The following AP3B2 variants were observed in gnomAD, a reference collection of about 807,000 sequenced individuals.
The protein encoded by AP3B2 is AP-3 complex subunit beta-2.
AP3B2 carries 50 observed loss-of-function variants against 126.9 expected under a neutral mutation model. That is an observed-to-expected ratio of 0.39 (90% CI 0.31 to 0.50). The LOEUF is 0.50. AP3B2 is among the 20% of genes least tolerant of loss of function. AP3B2 has a pLI of 0.79. For missense variants in AP3B2, 1,177 were observed against 1,426.4 expected (o/e 0.83, Z 2.82); for synonymous variants, 541 against 565.0 (o/e 0.96, Z 0.60).
intron 1 of AP3B2, among the ~76,000 whole-genome samples, chr15:82,693,048 T>C (rs1049154000): frequency 6.6e-6 from 1 of 151,952 alleles, no homozygotes; most frequent in Non-Finnish European, 1.5e-5. Flanking sequence ...CTCACCCTAT[T>C]GGACTTCAAA....
chr15:82,669,120 C>G (rs1294098183), intron 14 of AP3B2, among the ~76,000 whole-genome samples: 1 of 152,122 alleles, frequency 6.6e-6, no homozygotes, highest in African/African-American at 2.4e-5. Context: ...ATGGGCAAAA[C>G]CTGAGACTTG....
rs1455878016 is a variant in AP3B2 at position 82,680,790 on chromosome 15, C to T, written c.772-35G>A. On this transcript the variant is annotated intron_variant, in intron 7 of 26. Transcript: ENST00000535359. This position sits in a 1 kb window ranked among gnomAD's most constrained non-coding sequence, Gnocchi z 6.1. ...GAGACCGACGGGTCTGTGGGCGCCT[C>T]CCCGGGACACACTTCGGCCCGCTCT... 5.6e-6 allele frequency: 9 copies of T among 1,607,382 alleles called. No individual in the cohort carries two copies. The highest frequency in any genetic ancestry group is 7.6e-6 in the Non-Finnish European group (9 of 1,176,922).
intron 1 of AP3B2, among the ~76,000 whole-genome samples, chr15:82,703,663 GT>G: frequency 6.6e-6 from 1 of 152,188 alleles, no homozygotes; most frequent in Non-Finnish European, 1.5e-5. Context: ...GATAATTCTT[GT>G]TGTAAAATGG....
chr15:82,663,491 C>A, intron 21 of AP3B2, 69 bp downstream of exon 21: 1 of 1,535,856 alleles, frequency 6.5e-7, no homozygotes, highest in Non-Finnish European at 9.0e-7. Flanking sequence ...ATCCAGAGTC[C>A]CTATGGGCTG....
At chr15:82,689,539 A>G (rs887933743) in intron 1 of AP3B2, 86 bp from the exon 2 acceptor site, 3 of 1,341,122 alleles carry the variant, frequency 2.2e-6, no homozygotes, top group African/African-American at 1.4e-5. Context: ...AAGAAGGGAC[A>G]TGGCCAGGGG....
intron 1 of AP3B2, among the ~76,000 whole-genome samples, chr15:82,697,348 A>G (rs1351128849): frequency 6.6e-6 from 1 of 151,570 alleles, no homozygotes; most frequent in Non-Finnish European, 1.5e-5. Flanking sequence ...ATAAAAAATA[A>G]AAAAAAAATC....
At position 82,680,089 on chromosome 15, in the gene AP3B2, G is replaced by C; in HGVS notation, c.1110+86C>G. On this transcript the variant is annotated intron_variant, in intron 9 of 26. Coordinates refer to ENST00000535359, the MANE Select transcript of AP3B2 (RefSeq NM_001278512.2). The surrounding 1 kb of genome is among the most constrained non-coding windows in gnomAD (Gnocchi z 6.1). ...GTATTCCTCCATCTTCCCTTTCCCC[G>C]GCCCCGGTCCCAGCCCCGACAACGC... 6 of 1,558,298 alleles carry C rather than the reference G, an allele frequency of 3.9e-6. No individual in the cohort carries two copies. Among genetic ancestry groups the C allele is most frequent in the Admixed American group, 1.8e-5 (1 of 56,110 alleles).
intron 1 of AP3B2, among the ~76,000 whole-genome samples, chr15:82,700,101 G>A (rs1437428827): frequency 6.6e-6 from 1 of 152,156 alleles, no homozygotes; most frequent in African/African-American, 2.4e-5. Flanking sequence ...GGTCAGTGGA[G>A]TTGATAGAGA....
chr15:82,665,694 G>T lies in AP3B2; in HGVS notation c.1853-119C>A. On this transcript the variant is annotated intron_variant, in intron 15 of 26. Coordinates refer to ENST00000535359, the MANE Select transcript of AP3B2 (RefSeq NM_001278512.2). The surrounding 1 kb of genome is among the most constrained non-coding windows in gnomAD (Gnocchi z 4.4). ...GGACTTCCCAGGTGGGTAGGGGAAGGAGATGGATGTGTGCCCTAATGGCTC... is the reference window on the plus strand; with the variant it reads ...GGACTTCCCAGGTGGGTAGGGGAAGTAGATGGATGTGTGCCCTAATGGCTC... The T allele has an allele frequency of 1.4e-6, 1 of 730,860 alleles. No homozygotes were observed. Among genetic ancestry groups the T allele is most frequent in the Non-Finnish European group, 2.4e-6 (1 of 422,996 alleles). The allele number at this position is 730,860 out of a possible 1,614,324, so 45.3% of individuals were successfully genotyped here. A position where few individuals can be genotyped will look rare whatever the true frequency, so the allele number is the denominator to read the frequency against.
At chr15:82,698,757 C>G (rs2048668960) in intron 1 of AP3B2, among the ~76,000 whole-genome samples, 1 of 152,016 alleles carries the variant, frequency 6.6e-6, no homozygotes, top group Non-Finnish European at 1.5e-5. Flanking sequence ...CCCTTCCTCA[C>G]CACACCCACA....
intron 1 of AP3B2, among the ~76,000 whole-genome samples, chr15:82,708,503 C>G (rs1016920814): frequency 3.3e-5 from 5 of 152,030 alleles, no homozygotes; most frequent in Non-Finnish European, 7.4e-5. Flanking sequence ...AATCTTCTGC[C>G]TCTCCCCTGG....
Position 82,664,292 on chromosome 15 carries a change from T to TA in AP3B2, c.2261+74dup. On this transcript the variant is annotated intron_variant, in intron 19 of 26. Coordinates refer to ENST00000535359, the MANE Select transcript of AP3B2 (RefSeq NM_001278512.2). The surrounding 1 kb of genome is among the most constrained non-coding windows in gnomAD (Gnocchi z 4.5). ...GCTCAGGGGCTCTTAGGAGACTGGC[T>TA]AAAGCTCAATGCTAGCCCTCTTTCC... is the stretch of plus-strand genomic sequence containing the variant. The TA allele has an allele frequency of 1.2e-6, 2 of 1,606,654 alleles. No homozygotes were observed. The highest frequency in any genetic ancestry group is 2.2e-5 in the South Asian group (2 of 90,754).
intron 14 of AP3B2, among the ~76,000 whole-genome samples, chr15:82,670,359 C>G (rs781504115): frequency 1.5e-4 from 23 of 152,174 alleles, no homozygotes; most frequent in Admixed American, 3.3e-4. Flanking sequence ...ATCCACCAGC[C>G]TCGGCCTCCC....
intron 4 of AP3B2, chr15:82,687,612 G>A (rs977020857): frequency 6.6e-6 from 1 of 152,192 alleles, no homozygotes; most frequent in Non-Finnish European, 1.5e-5. Context: ...CTAAATGAAT[G>A]AATTGTATAT....
chr15:82,666,930 T>C lies in AP3B2; in HGVS notation c.1669A>G (p.Lys557Glu), dbSNP rs1310216742. The C allele has an allele frequency of 6.2e-7, 1 of 1,607,906 alleles. No homozygotes were observed. Among genetic ancestry groups the C allele is most frequent in the African/African-American group, 1.3e-5 (1 of 74,818 alleles). The part of the protein sequence containing the change: ...KLYLTNSKQT[K>E]LLTQYVLSLA... The stretch of plus-strand genomic sequence containing the variant: ...CTCAGCACATACTGGGTCAGCAGCT[T>C]GGTCTGGAGGAACAGGAAGAGGTGG... The change falls in exon 15 of 27, where the codon AAG (lysine) becomes GAG (glutamate). Residue 557 changes from lysine (K) to glutamate (E), a missense_variant. Coordinates refer to ENST00000535359, the MANE Select transcript of AP3B2 (RefSeq NM_001278512.2).
In AP3B2 at chr15:82,662,848, G is replaced by C. The variant is rs757342482; in HGVS notation, c.2679C>G (p.Asp893Glu). 10 of 1,613,576 alleles carry C rather than the reference G, an allele frequency of 6.2e-6. No homozygotes were observed. In the African/African-American group the frequency reaches 9.3e-5, roughly 15 times the overall value. Reference sequence around the variant, plus strand: ...AGAAAGGTTGGCGGCTGAAGGTGTAGTCCACAGCCAGCCCCTCGCCAGCTA... The same window carrying C: ...AGAAAGGTTGGCGGCTGAAGGTGTACTCCACAGCCAGCCCCTCGCCAGCTA... ...HRVAGEGLAV[D>E]YTFSRQPFSG... Residue 893 changes from aspartate to glutamate, a missense_variant, in exon 23 of 27, where the codon GAC (aspartate) becomes GAG (glutamate). Transcript: ENST00000535359.
chr15:82,692,305 C>T (rs1278577745), intron 1 of AP3B2: 3 of 641,120 alleles, frequency 4.7e-6, no homozygotes, highest in Non-Finnish European at 7.8e-6. Flanking sequence ...ACGTCCTTCT[C>T]GCGCACGTTG....
intron 1 of AP3B2, among the ~76,000 whole-genome samples, chr15:82,706,336 T>A (rs1435904563): frequency 3.3e-5 from 5 of 152,220 alleles, no homozygotes; most frequent in Non-Finnish European, 7.3e-5. Context: ...ATACTGACTC[T>A]AAATATGCCT....
At position 82,681,627 on chromosome 15, in the gene AP3B2, C is replaced by G; in HGVS notation, c.361-47G>C. On this transcript the variant is annotated intron_variant, in intron 4 of 26. Coordinates refer to ENST00000535359, the MANE Select transcript of AP3B2 (RefSeq NM_001278512.2). The surrounding 1 kb of genome is among the most constrained non-coding windows in gnomAD (Gnocchi z 4.0). The stretch of plus-strand genomic sequence containing the variant: ...GAGCTATGAAAGGGCACCAGGTGCC[C>G]TGATGGGGGGAGGCCACACCTTTGG... 6.3e-7 allele frequency: 1 copy of G among 1,590,618 alleles called. No homozygotes were observed. Among genetic ancestry groups the G allele is most frequent in the Non-Finnish European group, 8.5e-7 (1 of 1,169,846 alleles).
Sources: gnomAD v4.1 joint callset for allele counts (sites outside exome capture counted in the v4.1 genomes callset) on GRCh38, gnomAD v4.1.1 for gene constraint, Gnocchi (gnomAD v3.1) non-coding constraint, MANE v1.5 for transcripts, NCBI Gene and HGNC (gene_info 2026-07-23, HGNC 2026-07-21) for gene names.